The following ZDHHC5 variants were observed in gnomAD, a reference collection of about 807,000 sequenced individuals.
The protein encoded by ZDHHC5 is palmitoyltransferase ZDHHC5.
In ZDHHC5, 22 loss-of-function variants were observed where a neutral mutation model predicts 70.0. The ratio of observed to expected loss-of-function variants is 0.31; its 90% confidence interval spans 0.22 to 0.45. ZDHHC5 has a LOEUF of 0.45. ZDHHC5 is among the 20% of genes least tolerant of loss of function. ZDHHC5 has a pLI of 1.00. For missense variants in ZDHHC5, 746 were observed against 926.9 expected, an observed-to-expected ratio of 0.80 and a Z score of 2.53; for synonymous variants, 313 against 347.8, an observed-to-expected ratio of 0.90 and a Z score of 1.11.
intron 11 of ZDHHC5, 130 bp from the exon 12 acceptor site, chr11:57,699,736 G>A: frequency 8.1e-7 from 1 of 1,241,720 alleles, no homozygotes; most frequent in East Asian, 2.5e-5. Flanking sequence ...CAATAAAGGG[G>A]AATGTTTGGG....
chr11:57,673,390 T>A (rs1946031408), intron 2 of ZDHHC5, among the ~76,000 whole-genome samples, 196 bp downstream of exon 2: 1 of 152,236 alleles, frequency 6.6e-6, no homozygotes, highest in Admixed American at 6.5e-5. Flanking sequence ...TCAGTTTTAC[T>A]TCGCTGAATC....
At chr11:57,675,583 C>A (rs2135379788) in intron 2 of ZDHHC5, among the ~76,000 whole-genome samples, 1 of 152,312 alleles carries the variant, frequency 6.6e-6, no homozygotes, top group South Asian at 2.1e-4. Context: ...TAAGTCATAG[C>A]TGGAGTTCCT....
At chr11:57,699,761 T>C in intron 11 of ZDHHC5, 105 bp from the exon 12 acceptor site, 1 of 1,409,180 alleles carries the variant, frequency 7.1e-7, no homozygotes, top group South Asian at 1.2e-5. Flanking sequence ...AAAGTATGGA[T>C]ATAGAAAAGA....
In ZDHHC5 at chr11:57,672,896, C is replaced by T. The variant is rs1258235527; in HGVS notation, c.-195C>T. 3.7e-6 allele frequency: 2 copies of T among 541,686 alleles called. No individual in the cohort carries two copies. The allele number at this position is 541,686 out of a possible 1,614,324, so 33.6% of individuals were successfully genotyped here. A position where few individuals can be genotyped will look rare whatever the true frequency, so the allele number is the denominator to read the frequency against. On this transcript the variant is annotated 5_prime_UTR_variant, in exon 2 of 12. Transcript: ENST00000287169. Reference sequence around the variant, plus strand: ...CATTTGGAATCACCTTTCCCCCTCCCATGTGCTTTCCTTCATTTGAGATCT... The same window carrying T: ...CATTTGGAATCACCTTTCCCCCTCCTATGTGCTTTCCTTCATTTGAGATCT...
chr11:57,673,790 T>A (rs1946036783), intron 2 of ZDHHC5, among the ~76,000 whole-genome samples: 1 of 152,198 alleles, frequency 6.6e-6, no homozygotes, highest in South Asian at 2.1e-4. Flanking sequence ...CAGGCTGGTC[T>A]CAAACTCCTG....
At position 57,699,244 on chromosome 11, in the gene ZDHHC5, C is replaced by G; in HGVS notation, c.1808C>G (p.Pro603Arg). Residue 603 changes from proline to arginine, a missense_variant, in exon 11 of 12, where the codon CCA (proline) becomes CGA (arginine). Physicochemically the swap from Pro to Arg is moderately radical, Grantham distance 103. Transcript: ENST00000287169. ...TTGGGCAAGACTCCACTGGGACGCC[C>G]AGCTGTCCCCCGTTTTGGCAAGCCA... The part of the protein sequence containing the change: ...SPLGKTPLGR[P>R]AVPRFGKPDG... The G allele has an allele frequency of 1.2e-6, 2 of 1,614,212 alleles. No homozygotes were observed. The highest frequency in any genetic ancestry group is 1.3e-5 in the African/African-American group (1 of 75,078).
chr11:57,694,096 A>G (rs560732945), intron 8 of ZDHHC5, among the ~76,000 whole-genome samples, 181 bp downstream of exon 8: 4 of 151,060 alleles, frequency 2.6e-5, no homozygotes, highest in East Asian at 3.9e-4. Flanking sequence ...GGTTCAAGCA[A>G]TTCTCCTGCC....
chr11:57,697,431 C>T (rs1012014768), intron 10 of ZDHHC5, among the ~76,000 whole-genome samples: 2 of 151,850 alleles, frequency 1.3e-5, no homozygotes, highest in African/African-American at 4.8e-5. Flanking sequence ...CCACTGCACT[C>T]CAGCCTGGGC....
rs770126002 is a variant in ZDHHC5, at chr11:57,688,674, C to G, written c.384+9C>G. Reference sequence around the variant, plus strand: ...GTGACAACTGTGTGGAGGTAAGCACCCTGGGTGGGGTAAGACTTCATGCTT... The same window carrying G: ...GTGACAACTGTGTGGAGGTAAGCACGCTGGGTGGGGTAAGACTTCATGCTT... On this transcript the variant is annotated intron_variant, in intron 4 of 11. Coordinates refer to ENST00000287169, the MANE Select transcript of ZDHHC5 (RefSeq NM_015457.3). 6 of 1,584,942 alleles carry G rather than the reference C, an allele frequency of 3.8e-6. No individual in the cohort carries two copies. The highest frequency in any genetic ancestry group is 3.4e-5 in the South Asian group (3 of 87,022).
chr11:57,700,009 C>A lies in ZDHHC5; in HGVS notation c.2126C>A (p.Thr709Asn). ...GVKKVSGVGGTTYEISV is the reference protein window; with the variant it reads ...GVKKVSGVGGNTYEISV The stretch of plus-strand genomic sequence containing the variant: ...AAGAAGGTGTCAGGGGTTGGTGGTA[C>A]CACCTATGAGATTTCGGTGTGAGCC... Residue 709 changes from threonine (T) to asparagine (N), a missense_variant, in exon 12 of 12, where the codon ACC becomes AAC. By Grantham distance (65) the Thr-to-Asn change is moderately conservative (BLOSUM62 0). This residue lies in a region of ZDHHC5 where 340 missense variants were observed against 350.1 expected (regional missense o/e 0.97). Coordinates refer to ENST00000287169, the MANE Select transcript of ZDHHC5 (RefSeq NM_015457.3). The A allele has an allele frequency of 6.2e-7, 1 of 1,604,122 alleles. No individual in the cohort carries two copies. The highest frequency in any genetic ancestry group is 8.5e-7 in the Non-Finnish European group (1 of 1,175,412).
intron 3 of ZDHHC5, among the ~76,000 whole-genome samples, chr11:57,686,311 GAAA>G (rs1298882413): frequency 6.6e-6 from 1 of 151,624 alleles, no homozygotes; most frequent in Non-Finnish European, 1.5e-5. Context: ...CCCTTTAAAA[GAAA>G]AAAATCTTTT....
At chr11:57,670,195 G>C (rs1328345815) in intron 1 of ZDHHC5, among the ~76,000 whole-genome samples, 1 of 152,020 alleles carries the variant, frequency 6.6e-6, no homozygotes, top group African/African-American at 2.4e-5. Flanking sequence ...GTACATATTG[G>C]CTGGGCAGAG....
In ZDHHC5 at chr11:57,673,086, C is replaced by T; in HGVS notation, c.-5C>T. On this transcript the variant is annotated 5_prime_UTR_variant, in exon 2 of 12. Transcript: ENST00000287169. ...GCAGGGCAGATTTCCCATCAGAGCT[C>T]CAACATGCCCGCAGAGTCTGGAAAG... 1 of 1,613,896 alleles carries T rather than the reference C, an allele frequency of 6.2e-7. No individual in the cohort carries two copies. Among genetic ancestry groups the T allele is most frequent in the Non-Finnish European group, 8.5e-7 (1 of 1,179,876 alleles).
chr11:57,677,853 TC>T (rs5792056), intron 2 of ZDHHC5, among the ~76,000 whole-genome samples: 29,715 of 152,178 alleles, frequency 0.2, 3,467 homozygotes, highest in Middle Eastern at 0.33. Flanking sequence ...TTGTGCCTTT[TC>T]CTTCTCACAT....
At chr11:57,680,509 C>G (rs928919319) in intron 2 of ZDHHC5, among the ~76,000 whole-genome samples, 4 of 152,336 alleles carry the variant, frequency 2.6e-5, no homozygotes, top group Admixed American at 1.3e-4. Flanking sequence ...TTCAGAAGCT[C>G]AAGAGGCCAC....
chr11:57,673,620 G>GAC (rs1946034016), intron 2 of ZDHHC5, among the ~76,000 whole-genome samples: 1 of 152,156 alleles, frequency 6.6e-6, no homozygotes, highest in Non-Finnish European at 1.5e-5. Flanking sequence ...ACTCAGGCTG[G>GAC]AGTGCAATGT....
At chr11:57,681,956 G>A (rs548628125) in intron 2 of ZDHHC5, among the ~76,000 whole-genome samples, 2 of 152,354 alleles carry the variant, frequency 1.3e-5, no homozygotes, top group African/African-American at 4.8e-5. Flanking sequence ...GCAAGGGGGA[G>A]GCGGGGGCTA....
intron 2 of ZDHHC5, among the ~76,000 whole-genome samples, chr11:57,680,347 A>G (rs1946134098): frequency 1.3e-5 from 2 of 152,344 alleles, no homozygotes; most frequent in East Asian, 3.9e-4. Flanking sequence ...ACTACACTCC[A>G]GCCTGGGCAA....
intron 1 of ZDHHC5, among the ~76,000 whole-genome samples, chr11:57,670,201 CAG>C (rs1207282299): frequency 6.6e-6 from 1 of 152,092 alleles, no homozygotes; most frequent in Non-Finnish European, 1.5e-5. Flanking sequence ...ATTGGCTGGG[CAG>C]AGTGTCTCAC....
Sources: allele counts gnomAD v4.1 joint callset (sites outside exome capture counted in the v4.1 genomes callset), GRCh38; gene constraint gnomAD v4.1.1; regional missense constraint gnomAD v4.1.1; transcripts MANE v1.5; gene names NCBI Gene and HGNC (gene_info 2026-07-23, HGNC 2026-07-21).